NALF1: variants seen among roughly 807,000 people sequenced by gnomAD.
The protein encoded by NALF1 is NALCN channel auxiliary factor 1.
A neutral mutation model predicts 48.4 loss-of-function variants in NALF1; 3 were observed. That is an observed-to-expected ratio of 0.06 (90% CI 0.03 to 0.16). NALF1 has a LOEUF of 0.16. Ranked by LOEUF, NALF1 falls within the 10% of genes least tolerant of loss-of-function variation. The pLI is 1.00. For missense variants in NALF1, 526 were observed against 571.5 expected (o/e 0.92, Z 0.81); for synonymous variants, 262 against 245.7 (o/e 1.07, Z -0.62).
At chr13:107,602,761 T>G (rs1878963977) in intron 1 of NALF1, among the ~76,000 whole-genome samples, 1 of 152,224 alleles carries the variant, frequency 6.6e-6, no homozygotes, top group Non-Finnish European at 1.5e-5. Flanking sequence ...ATTTGCTAGT[T>G]TTCATATGGA....
chr13:107,403,774 C>T (rs955031825), intron 1 of NALF1, among the ~76,000 whole-genome samples: 2 of 151,508 alleles, frequency 1.3e-5, no homozygotes, highest in African/African-American at 2.4e-5. Context: ...AAGTTACACA[C>T]CATTTTAGCT....
intron 1 of NALF1, among the ~76,000 whole-genome samples, chr13:107,404,053 C>T (rs757331531): frequency 4.6e-5 from 7 of 152,038 alleles, no homozygotes; most frequent in East Asian, 1.9e-4. Flanking sequence ...ACAGATCTTT[C>T]TATAAGGCAC....
chr13:107,187,558 A>G (rs911970983), intron 2 of NALF1, among the ~76,000 whole-genome samples: 1 of 152,052 alleles, frequency 6.6e-6, no homozygotes, highest in Non-Finnish European at 1.5e-5. Context: ...CCTGACTTCC[A>G]CCCCACACAC....
intron 1 of NALF1, among the ~76,000 whole-genome samples, chr13:107,335,662 T>A (rs2138928324): frequency 6.6e-6 from 1 of 152,354 alleles, no homozygotes; most frequent in Non-Finnish European, 1.5e-5. Flanking sequence ...GCAAGGCATT[T>A]TTCACCTTTC....
chr13:107,862,520 G>A (rs1566510001), intron 1 of NALF1, among the ~76,000 whole-genome samples: 2 of 151,936 alleles, frequency 1.3e-5, no homozygotes, highest in Non-Finnish European at 2.9e-5. Context: ...GTAGCAAAAT[G>A]CTATAGTATT....
At chr13:107,633,477 A>G (rs1219676634) in intron 1 of NALF1, among the ~76,000 whole-genome samples, 1 of 151,802 alleles carries the variant, frequency 6.6e-6, no homozygotes, top group Non-Finnish European at 1.5e-5. Flanking sequence ...TTTGTGAATG[A>G]CCATTCTGTT....
intron 1 of NALF1, among the ~76,000 whole-genome samples, chr13:107,379,494 T>C (rs1342913613): frequency 1.3e-5 from 2 of 152,126 alleles, no homozygotes; most frequent in Non-Finnish European, 2.9e-5. Context: ...CTATAGGAAA[T>C]TTAAGTCTGA....
At chr13:107,208,019 C>T (rs1246694505) in intron 2 of NALF1, among the ~76,000 whole-genome samples, 1 of 152,148 alleles carries the variant, frequency 6.6e-6, no homozygotes, top group African/African-American at 2.4e-5. Flanking sequence ...TAGTTATCAA[C>T]ATGAATGAGA....
chr13:107,350,093 C>T (rs1428123358), intron 1 of NALF1, among the ~76,000 whole-genome samples: 3 of 152,148 alleles, frequency 2.0e-5, no homozygotes, highest in Non-Finnish European at 2.9e-5. Flanking sequence ...GGAGGCAGAG[C>T]TCAGGCGGTA....
intron 2 of NALF1, among the ~76,000 whole-genome samples, chr13:107,178,647 A>G (rs1196542305): frequency 6.6e-6 from 1 of 152,210 alleles, no homozygotes; most frequent in Non-Finnish European, 1.5e-5. Flanking sequence ...GAGGTTCCTC[A>G]GAAAACTAAA....
chr13:107,334,276 A>T (rs987852377), intron 1 of NALF1, among the ~76,000 whole-genome samples: 1 of 152,178 alleles, frequency 6.6e-6, no homozygotes, highest in Non-Finnish European at 1.5e-5. Context: ...ATATGATTAT[A>T]AAAAATGCTT....
At chr13:107,603,162 AT>A in intron 1 of NALF1, among the ~76,000 whole-genome samples, 1 of 152,332 alleles carries the variant, frequency 6.6e-6, no homozygotes, top group African/African-American at 2.4e-5. Flanking sequence ...CTGATATGCA[AT>A]TTAATTATTA....
intron 2 of NALF1, among the ~76,000 whole-genome samples, chr13:107,172,257 C>A (rs1022329585): frequency 6.6e-6 from 1 of 152,146 alleles, no homozygotes; most frequent in Non-Finnish European, 1.5e-5. Flanking sequence ...TTAATTATAG[C>A]AATTATTCTT....
At chr13:107,829,849 T>A (rs548102659) in intron 1 of NALF1, among the ~76,000 whole-genome samples, 2 of 152,292 alleles carry the variant, frequency 1.3e-5, no homozygotes, top group South Asian at 2.1e-4. Context: ...TACGATTTTT[T>A]AAATTTCTCT....
intron 1 of NALF1, among the ~76,000 whole-genome samples, chr13:107,538,967 T>C (rs961789398): frequency 6.6e-6 from 1 of 151,890 alleles, no homozygotes; most frequent in Non-Finnish European, 1.5e-5. Flanking sequence ...ATCCATCCAT[T>C]CATTCATTTT....
At chr13:107,188,829 G>A (rs748842066) in intron 2 of NALF1, among the ~76,000 whole-genome samples, 6 of 152,178 alleles carry the variant, frequency 3.9e-5, no homozygotes, top group Non-Finnish European at 8.8e-5. Flanking sequence ...TGAGTTATTA[G>A]AGGATGCTGC....
At chr13:107,493,619 C>T (rs545018565) in intron 1 of NALF1, among the ~76,000 whole-genome samples, 5 of 152,148 alleles carry the variant, frequency 3.3e-5, no homozygotes, top group East Asian at 1.9e-4. Context: ...TGCAGTGACT[C>T]GCAAATGCAA....
chr13:107,713,639 C>A (rs753024805), intron 1 of NALF1, among the ~76,000 whole-genome samples: 1 of 152,180 alleles, frequency 6.6e-6, no homozygotes, highest in Non-Finnish European at 1.5e-5. Context: ...TATACTCTTA[C>A]CTCAATTTGG....
At chr13:107,592,039 C>T (rs1190650050) in intron 1 of NALF1, among the ~76,000 whole-genome samples, 2 of 151,914 alleles carry the variant, frequency 1.3e-5, no homozygotes, top group Non-Finnish European at 2.9e-5. Flanking sequence ...ATACTATCAT[C>T]TCATTTTTAT....
Sources: allele counts gnomAD v4.1 joint callset (sites outside exome capture counted in the v4.1 genomes callset), GRCh38; gene constraint gnomAD v4.1.1; transcripts MANE v1.5; gene names NCBI Gene and HGNC (gene_info 2026-07-23, HGNC 2026-07-21).